The following KCNT1 variants were observed in gnomAD, a reference collection of about 807,000 sequenced individuals.
The protein encoded by KCNT1 is potassium sodium-activated channel subfamily T member 1.
Under a neutral mutation model 147.8 loss-of-function variants are expected in KCNT1, and 78 were observed. That is an observed-to-expected ratio of 0.53 (90% CI 0.44 to 0.64). The LOEUF (loss-of-function observed/expected upper bound fraction) is 0.64, where lower values mean the gene tolerates loss of function less well. KCNT1 is among the 30% of genes least tolerant of loss of function. The pLI is 0.00. For synonymous variants in KCNT1, 867 were observed against 748.8 expected, an observed-to-expected ratio of 1.16 and a Z score of -2.58; for missense variants, 1,419 against 1,750.3, an observed-to-expected ratio of 0.81 and a Z score of 3.38.
intron 21 of KCNT1, 142 bp downstream of exon 21, chr9:135,777,652 T>TA: frequency 1.3e-6 from 1 of 768,834 alleles, no homozygotes; most frequent in East Asian, 2.7e-5. Flanking sequence ...TCAGCTTTCC[T>TA]AAAAAGGGGG....
chr9:135,732,020 A>AGAGAGAGAGAGAGG (rs1836490760), intron 2 of KCNT1, among the ~76,000 whole-genome samples: 2 of 126,314 alleles, frequency 1.6e-5, no homozygotes, highest in African/African-American at 6.1e-5. Context: ...AGAGAGAGAG[A>AGAGAGAGAGAGAGG]GAGAGAGAGA....
intron 5 of KCNT1, among the ~76,000 whole-genome samples, chr9:135,754,609 G>C (rs1280999946): frequency 6.6e-6 from 1 of 152,212 alleles, no homozygotes; most frequent in Non-Finnish European, 1.5e-5. Flanking sequence ...ATGGCCCCCT[G>C]CAGCCATGCC....
At chr9:135,731,626 C>A (rs917370947) in intron 2 of KCNT1, among the ~76,000 whole-genome samples, 1 of 152,214 alleles carries the variant, frequency 6.6e-6, no homozygotes, top group Admixed American at 6.5e-5. Context: ...TGGAGGACAT[C>A]GCCCCTGTGT....
intron 24 of KCNT1, 124 bp from the exon 25 acceptor site, chr9:135,783,900 C>T (rs1833808969): frequency 2.8e-6 from 2 of 716,974 alleles, no homozygotes; most frequent in Admixed American, 2.0e-5. Context: ...ACACCATGCA[C>T]AAATGTGCAC....
intron 1 of KCNT1, among the ~76,000 whole-genome samples, chr9:135,711,192 A>G (rs1029122673): frequency 6.6e-6 from 1 of 152,202 alleles, no homozygotes; most frequent in Non-Finnish European, 1.5e-5. Context: ...TGGCAAGGGC[A>G]GCCTCACATT....
chr9:135,757,662 G>A (rs1369622375), intron 9 of KCNT1, among the ~76,000 whole-genome samples: 2 of 152,176 alleles, frequency 1.3e-5, no homozygotes, highest in Non-Finnish European at 2.9e-5. Context: ...TGAAGGGTGT[G>A]ACAAACCCAG....
chr9:135,724,423 G>A (rs1378983752), intron 2 of KCNT1, among the ~76,000 whole-genome samples: 1 of 152,254 alleles, frequency 6.6e-6, no homozygotes, highest in Non-Finnish European at 1.5e-5. Flanking sequence ...CCTTGTGGTG[G>A]CCAGAGAACC....
At chr9:135,724,371 G>A (rs1051171589) in intron 2 of KCNT1, among the ~76,000 whole-genome samples, 2 of 152,274 alleles carry the variant, frequency 1.3e-5, no homozygotes, top group African/African-American at 4.8e-5. Context: ...CAAGAGTGAA[G>A]GCAGTGCCCA....
chr9:135,757,416 G>T lies in KCNT1; in HGVS notation c.759+35G>T, dbSNP rs573657637. ...GGCGGGGGGTGCAGCTGGGACTTGGGGGGGCCACCCTCAGCCTCACCGGCC... is the reference window on the plus strand; with the variant it reads ...GGCGGGGGGTGCAGCTGGGACTTGGTGGGGCCACCCTCAGCCTCACCGGCC... On this transcript the variant is annotated intron_variant, in intron 9 of 30. Transcript: ENST00000371757. The T allele has an allele frequency of 9.9e-5, 157 of 1,579,634 alleles. 2 individuals carry two copies. The highest frequency in any genetic ancestry group is 9.6e-4 in the South Asian group (87 of 90,546).
chr9:135,720,645 C>T (rs996060024), intron 2 of KCNT1, among the ~76,000 whole-genome samples: 5 of 152,098 alleles, frequency 3.3e-5, no homozygotes, highest in African/African-American at 4.8e-5. Flanking sequence ...GGGCTGGGGG[C>T]GGGGGTCCTG....
chr9:135,784,594 G>C lies in KCNT1; in HGVS notation c.3003G>C (p.Thr1001=), dbSNP rs560435329. The C allele has an allele frequency of 2.5e-6, 4 of 1,596,184 alleles. No homozygotes were observed. In the East Asian group the frequency reaches 6.9e-5, roughly 28 times the overall value. Residue 1001 remains threonine (T), a synonymous_variant, in exon 26 of 31, where the codon ACG becomes ACC. Coordinates refer to ENST00000371757, the MANE Select transcript of KCNT1 (RefSeq NM_020822.3). ...GGCTGCTGCTGGGCCTGGACACCAC[G>C]CCGGGCTCGGGGTACCTCTGTGCCG... ...ITRLLLGLDT[T]PGSGYLCAMK... is the part of the protein sequence containing the mutation.
At chr9:135,749,324 G>T (rs1237589994) in intron 2 of KCNT1, among the ~76,000 whole-genome samples, 1 of 152,172 alleles carries the variant, frequency 6.6e-6, no homozygotes, top group Admixed American at 6.5e-5. Flanking sequence ...CACCCCACCT[G>T]CCACCCCCGG....
At chr9:135,706,090 A>G (rs1367064684) in intron 1 of KCNT1, among the ~76,000 whole-genome samples, 1 of 152,208 alleles carries the variant, frequency 6.6e-6, no homozygotes, top group African/African-American at 2.4e-5. Context: ...ACTGAGATGC[A>G]GTAGCTGTGT....
chr9:135,765,214 G>A lies in KCNT1; in HGVS notation c.1200+19G>A. Reference sequence around the variant, plus strand: ...GCTCCAGGTGAGGCCCCTTACCGTGGCCCAGCAGACGACTCCCTCCCGGCC... The same window carrying A: ...GCTCCAGGTGAGGCCCCTTACCGTGACCCAGCAGACGACTCCCTCCCGGCC... On this transcript the variant is annotated intron_variant, in intron 12 of 30. Transcript: ENST00000371757. 4.4e-6 allele frequency: 7 copies of A among 1,601,582 alleles called. No individual in the cohort carries two copies. The highest frequency in any genetic ancestry group is 5.1e-6 in the Non-Finnish European group (6 of 1,170,458).
At chr9:135,721,257 G>A (rs1450506676) in intron 2 of KCNT1, among the ~76,000 whole-genome samples, 1 of 152,216 alleles carries the variant, frequency 6.6e-6, no homozygotes, top group Admixed American at 6.5e-5. Flanking sequence ...GCCCAGAGCT[G>A]CTGAGCTCAG....
chr9:135,773,042 T>C, intron 19 of KCNT1, 93 bp downstream of exon 19: 1 of 846,040 alleles, frequency 1.2e-6, no homozygotes, highest in Non-Finnish European at 1.7e-6. Context: ...TGGTCCCCCA[T>C]GCTCTGAATT....
chr9:135,778,381 C>A, intron 21 of KCNT1, 43 bp from the exon 22 acceptor site: 8 of 1,532,766 alleles, frequency 5.2e-6, no homozygotes, highest in Non-Finnish European at 3.5e-6. Context: ...GGAGGGCAGG[C>A]CTTGAAGCAG....
chr9:135,732,500 C>T (rs1239468552), intron 2 of KCNT1, among the ~76,000 whole-genome samples: 2 of 152,118 alleles, frequency 1.3e-5, no homozygotes, highest in Admixed American at 6.5e-5. Flanking sequence ...TCCTGTTCCT[C>T]CTGGCTTGGG....
intron 2 of KCNT1, among the ~76,000 whole-genome samples, chr9:135,746,483 G>T (rs1830839899): frequency 6.6e-6 from 1 of 152,232 alleles, no homozygotes; most frequent in African/African-American, 2.4e-5. Context: ...TGTCTGGGGA[G>T]GAACTTGGCT....
Sources: allele counts gnomAD v4.1 joint callset (sites outside exome capture counted in the v4.1 genomes callset), GRCh38; gene constraint gnomAD v4.1.1; transcripts MANE v1.5; gene names NCBI Gene and HGNC (gene_info 2026-07-23, HGNC 2026-07-21).